DROSHA: variants seen among roughly 807,000 people sequenced by gnomAD.
DROSHA encodes the protein ribonuclease 3.
Under a neutral mutation model 181.9 loss-of-function variants are expected in DROSHA, and 56 were observed. The observed-to-expected ratio is 0.31, with a 90% CI of 0.25 to 0.38. The LOEUF is 0.38. Ranked by LOEUF, DROSHA falls within the 10% of genes least tolerant of loss-of-function variation. The pLI, the probability that DROSHA is intolerant of heterozygous loss-of-function variation, is 1.00. For missense variants in DROSHA, 1,218 were observed against 1,743.5 expected, an observed-to-expected ratio of 0.70 and a Z score of 5.37; for synonymous variants, 524 against 591.2, an observed-to-expected ratio of 0.89 and a Z score of 1.65.
intron 9 of DROSHA, 106 bp from the exon 10 acceptor site, chr5:31,508,881 T>G (rs867263077): frequency 1.5e-6 from 2 of 1,300,680 alleles, no homozygotes; most frequent in Admixed American, 2.4e-5. Flanking sequence ...TGGAGTGCAG[T>G]GCGCGATCTC....
rs1448788373 is a variant in DROSHA, at chr5:31,515,337, C to T, written c.1058+117G>A. ...AAATATGAATACCATGCCAAATCAC[C>T]GTGTGTACTTTTGTTAAACCAGTGA... On this transcript the variant is annotated intron_variant, in intron 7 of 35. Transcript: ENST00000344624. The T allele has an allele frequency of 9.2e-6, 11 of 1,191,500 alleles. No homozygotes were observed. In the Admixed American group the frequency reaches 1.0e-4, roughly 11 times the overall value. The allele number at this position is 1,191,500 out of a possible 1,614,324, so 73.8% of individuals were successfully genotyped here. A position where few individuals can be genotyped will look rare whatever the true frequency, so the allele number is the denominator to read the frequency against.
chr5:31,436,002 A>T, intron 24 of DROSHA, 138 bp from the exon 25 acceptor site: 1 of 714,152 alleles, frequency 1.4e-6, no homozygotes, highest in Non-Finnish European at 2.3e-6. Context: ...ATCTGATTAA[A>T]GTCTTTGAAA....
intron 3 of DROSHA, 72 bp from the exon 4 acceptor site, chr5:31,529,177 A>G (rs1740932013): frequency 2.9e-6 from 4 of 1,357,136 alleles, no homozygotes; most frequent in Non-Finnish European, 1.0e-6. Flanking sequence ...ATATTTCTGC[A>G]ATTACCATAA....
chr5:31,443,004 T>A lies in DROSHA; in HGVS notation c.2882+5543A>T, dbSNP rs183603901. Among the ~76,000 whole-genome samples the A allele has an allele frequency of 1.6e-3, 236 of 152,062 alleles. 3 individuals are homozygous for A. The highest frequency in any genetic ancestry group is 3.1e-3 in the Non-Finnish European group (214 of 67,970). On this transcript the variant is annotated intron_variant, in intron 23 of 35. Transcript: ENST00000344624. Reference sequence around the variant, plus strand: ...GCCATTTCCTTAAATATAGAGACATTAACAAATAGTCCATATGTGTCTCTG... The same window carrying A: ...GCCATTTCCTTAAATATAGAGACATAAACAAATAGTCCATATGTGTCTCTG...
intron 16 of DROSHA, among the ~76,000 whole-genome samples, chr5:31,483,099 C>T (rs1217894051): frequency 2.0e-5 from 3 of 151,998 alleles, no homozygotes; most frequent in South Asian, 2.1e-4. Flanking sequence ...TTATTTTATA[C>T]CTTTTTTTCA....
intron 26 of DROSHA, 144 bp downstream of exon 26, chr5:31,431,432 A>G: frequency 1.6e-6 from 1 of 633,066 alleles, no homozygotes; most frequent in Non-Finnish European, 2.7e-6. Context: ...TAACTATAAT[A>G]TAAGGTGGTA....
At chr5:31,457,924 T>TAAA (rs1747864845) in intron 20 of DROSHA, among the ~76,000 whole-genome samples, 1 of 152,104 alleles carries the variant, frequency 6.6e-6, no homozygotes, top group African/African-American at 2.4e-5. Context: ...ATGGAACTCT[T>TAAA]AAAATCAAAA....
At chr5:31,439,640 G>C (rs773433963) in intron 23 of DROSHA, among the ~76,000 whole-genome samples, 25 of 152,070 alleles carry the variant, frequency 1.6e-4, no homozygotes, top group Admixed American at 3.3e-4. Flanking sequence ...CTTCATAATA[G>C]GTACGTATGT....
At chr5:31,443,282 T>C (rs1745852431) in intron 23 of DROSHA, among the ~76,000 whole-genome samples, 1 of 151,946 alleles carries the variant, frequency 6.6e-6, no homozygotes, top group Non-Finnish European at 1.5e-5. Context: ...CCTCCCAAAG[T>C]GCTGGGATTA....
rs1024237479 is a variant in DROSHA, at chr5:31,409,426, T to C, written c.3668-94A>G. On this transcript the variant is annotated intron_variant, in intron 31 of 35. Transcript: ENST00000344624. The surrounding 1 kb of genome is among the most constrained non-coding windows in gnomAD (Gnocchi z 4.0). The stretch of plus-strand genomic sequence containing the variant: ...AGACCTTTAAGCAAAATTTTAGTAA[T>C]AGTTTCAACTTCCAGGCCCTCTTTA... The C allele has an allele frequency of 1.8e-6, 2 of 1,101,494 alleles. No individual in the cohort carries two copies. The highest frequency in any genetic ancestry group is 2.6e-5 in the East Asian group (1 of 38,430). 68.2% of individuals were successfully genotyped at this position (1,101,494 alleles called of 1,614,324 possible).
intron 12 of DROSHA, among the ~76,000 whole-genome samples, chr5:31,494,015 C>T (rs540056545): frequency 1.1e-4 from 17 of 151,260 alleles, no homozygotes; most frequent in Middle Eastern, 3.4e-3. Flanking sequence ...CTTCCCCAGG[C>T]TGGAGTGCAG....
rs1234656955 is a variant in DROSHA at position 31,401,343 on chromosome 5, C to T, written c.*89G>A. ...TTTATTTCAATGAGCACACTTCATT[C>T]ATTGTCTGCAGGAAAACTAGGCTAG... On this transcript the variant is annotated 3_prime_UTR_variant, in exon 36 of 36. Transcript: ENST00000344624. The T allele has an allele frequency of 6.5e-7, 1 of 1,541,170 alleles. No homozygotes were observed. Among genetic ancestry groups the T allele is most frequent in the Non-Finnish European group, 8.9e-7 (1 of 1,123,484 alleles).
chr5:31,523,708 C>T (rs557534386), intron 5 of DROSHA, among the ~76,000 whole-genome samples: 1 of 152,120 alleles, frequency 6.6e-6, no homozygotes, highest in Non-Finnish European at 1.5e-5. Context: ...GGAGCGGTGG[C>T]TCACACATGT....
chr5:31,518,911 T>C (rs1229181682), intron 6 of DROSHA, among the ~76,000 whole-genome samples: 2 of 152,220 alleles, frequency 1.3e-5, no homozygotes, highest in Non-Finnish European at 2.9e-5. Context: ...ATGTAATGAA[T>C]GGTCAGGGTC....
In DROSHA at chr5:31,466,196, G is replaced by C; in HGVS notation, c.2452C>G (p.Leu818Val). 3 of 1,613,604 alleles carry C rather than the reference G, an allele frequency of 1.9e-6. No individual in the cohort carries two copies. The highest frequency in any genetic ancestry group is 1.1e-5 in the South Asian group (1 of 91,066). The change falls in exon 19 of 36, where the codon CTG (leucine) becomes GTG (valine). Residue 818 changes from leucine to valine, a missense_variant. By Grantham distance (32) the Leu-to-Val change is conservative (BLOSUM62 1). Around this residue, in one of 8 missense-constraint regions of DROSHA, gnomAD observed 460 missense variants for 774.2 expected, o/e 0.59. Transcript: ENST00000344624. The part of the protein sequence containing the change: ...PKVKQTDKQK[L>V]AQREEALQKI... ...TTGATACAGACCTCCCTCTGTGCCA[G>C]CTTCTGTTTGTCAGTTTGTTTGACT... is the stretch of plus-strand genomic sequence containing the variant.
At chr5:31,465,310 G>A (rs1350429416) in intron 19 of DROSHA, among the ~76,000 whole-genome samples, 1 of 152,102 alleles carries the variant, frequency 6.6e-6, no homozygotes, top group Non-Finnish European at 1.5e-5. Flanking sequence ...CTGGATTACA[G>A]GGATAATACT....
intron 13 of DROSHA, among the ~76,000 whole-genome samples, chr5:31,490,872 CATAGA>C (rs1486778656): frequency 2.0e-5 from 3 of 151,904 alleles, no homozygotes; most frequent in Admixed American, 6.6e-5. Context: ...TAGGGTTTGT[CATAGA>C]ATAAAGTTCT....
At chr5:31,463,440 C>T (rs891615329) in intron 20 of DROSHA, among the ~76,000 whole-genome samples, 25 of 152,224 alleles carry the variant, frequency 1.6e-4, no homozygotes, top group African/African-American at 4.3e-4. Flanking sequence ...GAACTTACTG[C>T]AACACATGCT....
In DROSHA at chr5:31,523,910, G is replaced by T. The variant is rs1406114780; in HGVS notation, c.854+2169C>A. On this transcript the variant is annotated intron_variant, in intron 5 of 35. Coordinates refer to ENST00000344624, the MANE Select transcript of DROSHA (RefSeq NM_001382508.1). ...GAATCGCTTGAACCCGGGAGGCAGA[G>T]GTTGCAGTGAGCCGAGATCGCGCCA... Among the ~76,000 whole-genome samples, 4 of 149,154 alleles carry T rather than the reference G, an allele frequency of 2.7e-5. No homozygotes were observed. In the South Asian group the frequency reaches 8.5e-4, roughly 32 times the overall value.
Sources: allele counts gnomAD v4.1 joint callset (sites outside exome capture counted in the v4.1 genomes callset), GRCh38; gene constraint gnomAD v4.1.1; regional missense constraint gnomAD v4.1.1; non-coding constraint Gnocchi (gnomAD v3.1); transcripts MANE v1.5; gene names NCBI Gene and HGNC (gene_info 2026-07-23, HGNC 2026-07-21).